Variants in UBE2F observed in about 807,000 individuals in gnomAD.
The protein encoded by UBE2F is ubiquitin conjugating enzyme E2 F (putative).
Under a neutral mutation model 29.6 loss-of-function variants are expected in UBE2F, and 5 were observed. The ratio of observed to expected loss-of-function variants is 0.17; its 90% confidence interval spans 0.09 to 0.36. The LOEUF is 0.36. UBE2F is among the 10% of genes least tolerant of loss of function. The probability of loss-of-function intolerance (pLI) is 1.00; values close to 1 mark genes in which losing one functional copy is unlikely to be tolerated. For missense variants in UBE2F, 141 were observed against 228.5 expected, an observed-to-expected ratio of 0.62 and a Z score of 2.47; for synonymous variants, 66 against 81.8, an observed-to-expected ratio of 0.81 and a Z score of 1.04.
chr2:237,973,286 A>G, intron 2 of UBE2F, 61 bp downstream of exon 2: 1 of 1,576,070 alleles, frequency 6.3e-7, no homozygotes, highest in Non-Finnish European at 8.7e-7. Context: ...TTGACTGGAG[A>G]GTCTTTGGGG....
chr2:237,979,500 C>T (rs1168048961), intron 2 of UBE2F, among the ~76,000 whole-genome samples: 4 of 152,194 alleles, frequency 2.6e-5, no homozygotes, highest in African/African-American at 9.7e-5. Context: ...TCTAGCAGGG[C>T]GGGCTCAGGG....
intron 4 of UBE2F, among the ~76,000 whole-genome samples, chr2:238,005,774 A>G (rs1004719694): frequency 2.6e-5 from 4 of 152,166 alleles, no homozygotes; most frequent in African/African-American, 9.7e-5. Flanking sequence ...CTACACTTGT[A>G]CAAATACTAC....
intron 3 of UBE2F, among the ~76,000 whole-genome samples, chr2:237,992,638 C>A (rs2063612913): frequency 6.6e-6 from 1 of 152,146 alleles, no homozygotes; most frequent in South Asian, 2.1e-4. Flanking sequence ...GGAAATGAGG[C>A]ATGAGGTAGG....
chr2:238,025,360 C>G lies in UBE2F; in HGVS notation c.301C>G (p.Leu101Val), dbSNP rs1347069196. 1.9e-6 allele frequency: 3 copies of G among 1,613,952 alleles called. No homozygotes were observed. Among genetic ancestry groups the G allele is most frequent in the Non-Finnish European group, 2.5e-6 (3 of 1,179,964 alleles). Residue 101 changes from leucine to valine, a missense_variant, in exon 6 of 10, where the codon CTG becomes GTG. Leu to Val is a conservative substitution (Grantham distance 32). Transcript: ENST00000272930. ...GTTGCAGCCTCCCAAAGTGAAATGCCTGACCAAGATCTGGCACCCCAACAT... is the reference window on the plus strand; with the variant it reads ...GTTGCAGCCTCCCAAAGTGAAATGCGTGACCAAGATCTGGCACCCCAACAT... ...YNMVPPKVKCLTKIWHPNITE... is the reference protein window; with the variant it reads ...YNMVPPKVKCVTKIWHPNITE...
chr2:238,012,827 A>T (rs1009876051), intron 4 of UBE2F, among the ~76,000 whole-genome samples: 1 of 152,102 alleles, frequency 6.6e-6, no homozygotes, highest in African/African-American at 2.4e-5. Flanking sequence ...TTGGCTCTCA[A>T]AGGGGTAATG....
rs2064727784 is a variant in UBE2F at position 238,037,049 on chromosome 2, G to A, written c.507+1109G>A. 3.3e-5 allele frequency among the ~76,000 whole-genome samples: 5 copies of A among 152,108 alleles called. No individual in the cohort carries two copies. The South Asian group carries it at 1.0e-3, about 32-fold the overall frequency. On this transcript the variant is annotated intron_variant, in intron 9 of 9. Coordinates refer to ENST00000272930, the MANE Select transcript of UBE2F (RefSeq NM_080678.3). The stretch of plus-strand genomic sequence containing the variant: ...TTTAATTTTTAGGACAGCACCCTGA[G>A]CTTGTCAAGGTTCAGAGAGCTCCCC...
At chr2:237,984,698 G>T (rs565724958) in intron 2 of UBE2F, among the ~76,000 whole-genome samples, 20 of 152,262 alleles carry the variant, frequency 1.3e-4, no homozygotes, top group African/African-American at 4.8e-4. Context: ...CCTTCCCCAT[G>T]CCCTGCTAAA....
Position 237,994,736 on chromosome 2 carries a change from T to G in UBE2F, c.149-8T>G. 6.2e-7 allele frequency: 1 copy of G among 1,613,852 alleles called. No individual in the cohort carries two copies. Among genetic ancestry groups the G allele is most frequent in the South Asian group, 1.1e-5 (1 of 91,066 alleles). ...CCAGACCTTCCTGATGTGCTGTTTC[T>G]TTTGCAGGTACATGTAAAGTGCATT... On this transcript the variant is annotated splice_region_variant and splice_polypyrimidine_tract_variant and intron_variant, in intron 3 of 9. Coordinates refer to ENST00000272930, the MANE Select transcript of UBE2F (RefSeq NM_080678.3).
chr2:238,018,099 C>T (rs1208540245), intron 5 of UBE2F, among the ~76,000 whole-genome samples: 1 of 152,094 alleles, frequency 6.6e-6, no homozygotes, highest in East Asian at 1.9e-4. Flanking sequence ...TTTGTCCATC[C>T]ACCACCTGCT....
chr2:237,973,035 GTC>G, intron 1 of UBE2F, 55 bp from the exon 2 acceptor site: 1 of 1,524,556 alleles, frequency 6.6e-7, no homozygotes, highest in East Asian at 2.3e-5. Context: ...TTTTCTCAGT[GTC>G]TAATTAGTCT....
Position 237,994,976 on chromosome 2 carries a change from G to C in UBE2F, c.214+167G>C, listed in dbSNP as rs73096356. The stretch of plus-strand genomic sequence containing the variant: ...TATACTTCATAGTGAATGAAATAAA[G>C]CATATTAAAGTGAATTTGAGGCATT... On this transcript the variant is annotated intron_variant, in intron 4 of 9. Transcript: ENST00000272930. Among the ~76,000 whole-genome samples the C allele has an allele frequency of 1.2e-3, 187 of 152,248 alleles. 1 individual carries two copies. The highest frequency in any genetic ancestry group is 4.2e-3 in the African/African-American group (175 of 41,548).
At chr2:237,970,695 T>C (rs1310435450) in intron 1 of UBE2F, among the ~76,000 whole-genome samples, 1 of 152,214 alleles carries the variant, frequency 6.6e-6, no homozygotes, top group East Asian at 1.9e-4. Context: ...TGTATTGTTT[T>C]CGTTTTGAAA....
chr2:237,990,472 G>T (rs750935102), intron 3 of UBE2F: 1 of 440,558 alleles, frequency 2.3e-6, no homozygotes, highest in South Asian at 1.6e-5. Flanking sequence ...GCATGAGTGT[G>T]GCTCACTGCA....
chr2:237,979,848 C>T (rs2063346673), intron 2 of UBE2F, among the ~76,000 whole-genome samples: 1 of 152,194 alleles, frequency 6.6e-6, no homozygotes, highest in African/African-American at 2.4e-5. Flanking sequence ...TGATACCAGG[C>T]TCTGCTACAG....
At chr2:237,986,063 A>G (rs1238934756) in intron 2 of UBE2F, 6 of 259,566 alleles carry the variant, frequency 2.3e-5, no homozygotes, top group African/African-American at 6.9e-5. Flanking sequence ...ATTTCCTTAT[A>G]TATTTTAGAT....
intron 4 of UBE2F, among the ~76,000 whole-genome samples, chr2:238,009,790 C>T (rs2063978082): frequency 6.6e-6 from 1 of 152,128 alleles, no homozygotes; most frequent in Non-Finnish European, 1.5e-5. Context: ...TGGATCAGAG[C>T]CTTTTAAGTT....
In UBE2F at chr2:237,973,149, C is replaced by G; in HGVS notation, c.42C>G (p.Leu14=). ...LASKLKRDDG[L]KGSRTAATAS... is the part of the protein sequence containing the mutation. ...GTAAACTGAAGCGTGACGATGGTCT[C>G]AAAGGGTCCCGGACGGCAGCCACAG... Residue 14 remains leucine (L), a synonymous_variant, in exon 2 of 10, where the codon CTC becomes CTG. Coordinates refer to ENST00000272930, the MANE Select transcript of UBE2F (RefSeq NM_080678.3). 2.5e-6 allele frequency: 4 copies of G among 1,613,954 alleles called. No homozygotes were observed. The highest frequency in any genetic ancestry group is 1.7e-4 in the Middle Eastern group (1 of 6,058).
intron 4 of UBE2F, among the ~76,000 whole-genome samples, chr2:238,014,127 A>G (rs1244619043): frequency 2.0e-5 from 3 of 152,236 alleles, no homozygotes; most frequent in Non-Finnish European, 4.4e-5. Context: ...AGCTGGGGAC[A>G]TCGTGAAGGA....
chr2:237,977,646 A>C (rs2063308220), intron 2 of UBE2F, among the ~76,000 whole-genome samples: 2 of 152,074 alleles, frequency 1.3e-5, no homozygotes, highest in South Asian at 4.1e-4. Flanking sequence ...TTATGGCGGA[A>C]GTGGTGCTGT....
Sources: allele counts gnomAD v4.1 joint callset (sites outside exome capture counted in the v4.1 genomes callset), GRCh38; gene constraint gnomAD v4.1.1; transcripts MANE v1.5; gene names NCBI Gene and HGNC (gene_info 2026-07-23, HGNC 2026-07-21).